Variants in LSP1 observed in about 807,000 individuals in gnomAD.
LSP1 encodes lymphocyte specific protein 1.
A neutral mutation model predicts 49.3 loss-of-function variants in LSP1; 32 were observed. That is an observed-to-expected ratio of 0.65 (90% CI 0.49 to 0.87). LSP1 has a LOEUF of 0.87. Among genes scored for constraint, LSP1 ranks in the 40% least tolerant of loss-of-function variants. LSP1 has a pLI of 0.00. For missense variants in LSP1, 428 were observed against 442.6 expected (o/e 0.97, Z 0.30); for synonymous variants, 179 against 178.8 (o/e 1.00, Z -0.01).
chr11:1,871,227 C>T (rs1159550322), intron 1 of LSP1: 30 of 986,444 alleles, frequency 3.0e-5, no homozygotes, highest in Non-Finnish European at 3.5e-5. Context: ...AAAGAGCAGG[C>T]ACGGGGCAGG....
At chr11:1,878,382 G>A (rs79608083) in intron 1 of LSP1, among the ~76,000 whole-genome samples, 4,884 of 152,358 alleles carry the variant, frequency 0.032, 117 homozygotes, top group Non-Finnish European at 0.049. Context: ...TCATCTGCCC[G>A]GATGATGGGA....
intron 1 of LSP1, among the ~76,000 whole-genome samples, chr11:1,859,212 C>T (rs1418758440): frequency 1.3e-5 from 2 of 152,152 alleles, no homozygotes; most frequent in African/African-American, 4.8e-5. Context: ...ACACACCACA[C>T]GCTCAGGGAG....
rs760171733 is a variant in LSP1, at chr11:1,884,295, G to A, written c.607G>A (p.Glu203Lys). ...CCCTCTGCAGCTCATCGACAGGACC[G>A]AGTCCCTAAACCGCTCCATAGAGAA... ...SPTTKLIDRT[E>K]SLNRSIEKSN... Residue 203 changes from glutamate to lysine, a missense_variant, in exon 6 of 11, where the codon GAG becomes AAG. Glu to Lys is a moderately conservative substitution (Grantham distance 56). Transcript: ENST00000311604. This position sits in a 1 kb window ranked among gnomAD's most constrained non-coding sequence, Gnocchi z 4.1. 25 of 1,613,988 alleles carry A rather than the reference G, an allele frequency of 1.5e-5. 1 individual carries two copies. Among genetic ancestry groups the A allele is most frequent in the South Asian group, 8.8e-5 (8 of 91,084 alleles).
chr11:1,864,881 A>T (rs543883611), intron 1 of LSP1, among the ~76,000 whole-genome samples: 2 of 152,112 alleles, frequency 1.3e-5, no homozygotes, highest in South Asian at 4.2e-4. Context: ...GCCGGCCCAC[A>T]GACTCCTGTG....
chr11:1,878,818 A>ACC (rs1462187396), intron 1 of LSP1, among the ~76,000 whole-genome samples: 16 of 151,582 alleles, frequency 1.1e-4, no homozygotes, highest in Non-Finnish European at 1.6e-4. Flanking sequence ...GAGACCCTGG[A>ACC]CCCCCTCTCA....
In LSP1 at chr11:1,884,730, C is replaced by T. The variant is rs1706874; in HGVS notation, c.717+149C>T. ...GCTTCTCCATCCAGTCAGTGCCCCT[C>T]TACCCAATCAATGCCCCTCCATCTA... On this transcript the variant is annotated intron_variant, in intron 7 of 10. Transcript: ENST00000311604. This position sits in a 1 kb window ranked among gnomAD's most constrained non-coding sequence, Gnocchi z 4.1. The T allele has an allele frequency of 3.0e-6, 2 of 656,468 alleles. No individual in the cohort carries two copies. The highest frequency in any genetic ancestry group is 5.4e-6 in the Non-Finnish European group (2 of 371,756). 40.7% of individuals were successfully genotyped at this position (656,468 alleles called of 1,614,324 possible).
intron 1 of LSP1, chr11:1,864,038 A>AGGAGCGGG: frequency 4.7e-6 from 1 of 212,646 alleles, no homozygotes; most frequent in Non-Finnish European, 6.9e-6. Context: ...GTGGAGAACC[A>AGGAGCGGG]GGAGCGGGGG....
At chr11:1,889,222 TG>T (rs755263594) in intron 10 of LSP1, 8 of 675,006 alleles carry the variant, frequency 1.2e-5, no homozygotes, top group Non-Finnish European at 2.7e-6. Context: ...GAGCGGACTG[TG>T]GGAGGGGGCC....
Position 1,880,078 on chromosome 11 carries a change from C to G in LSP1, c.54-9C>G. ...TGTGGCGTGACTGTCCCTCTGTGTC[C>G]CCCACTAGGCCCACTGCTCAGTGGA... On this transcript the variant is annotated splice_polypyrimidine_tract_variant and intron_variant, in intron 1 of 10. Transcript: ENST00000311604. 1 of 1,607,062 alleles carries G rather than the reference C, an allele frequency of 6.2e-7. No individual in the cohort carries two copies. Among genetic ancestry groups the G allele is most frequent in the South Asian group, 1.1e-5 (1 of 90,028 alleles).
At chr11:1,875,752 G>A (rs978600309) in intron 1 of LSP1, among the ~76,000 whole-genome samples, 5 of 152,288 alleles carry the variant, frequency 3.3e-5, no homozygotes, top group African/African-American at 9.6e-5. Context: ...AGCACCAGGC[G>A]TTGGGGGGCA....
chr11:1,869,202 T>G (rs1589813031), intron 1 of LSP1: 14 of 197,182 alleles, frequency 7.1e-5, no homozygotes, highest in East Asian at 1.5e-4. Context: ...GTTGGGGAGG[T>G]ATTGGTGCGA....
At chr11:1,862,567 C>A (rs1451758002) in intron 1 of LSP1, among the ~76,000 whole-genome samples, 1 of 152,144 alleles carries the variant, frequency 6.6e-6, no homozygotes, top group East Asian at 1.9e-4. Flanking sequence ...GAAGCACATG[C>A]TCACTGCCCC....
At position 1,884,294 on chromosome 11, in the gene LSP1, C is replaced by T. The variant is rs772740590; in HGVS notation, c.606C>T (p.Thr202=). ...LSPTTKLIDR[T]ESLNRSIEKS... ...ACCCTCTGCAGCTCATCGACAGGAC[C>T]GAGTCCCTAAACCGCTCCATAGAGA... The change falls in exon 6 of 11, where the codon ACC becomes ACT. Residue 202 remains threonine, a synonymous_variant. Transcript: ENST00000311604. This position sits in a 1 kb window ranked among gnomAD's most constrained non-coding sequence, Gnocchi z 4.1. The T allele has an allele frequency of 2.7e-5, 44 of 1,613,956 alleles. No individual in the cohort carries two copies. The highest frequency in any genetic ancestry group is 1.6e-5 in the Non-Finnish European group (19 of 1,179,998).
At position 1,884,613 on chromosome 11, in the gene LSP1, C is replaced by T. The variant is rs1462175681; in HGVS notation, c.717+32C>T. The T allele has an allele frequency of 6.4e-7, 1 of 1,568,096 alleles. No individual in the cohort carries two copies. Among genetic ancestry groups the T allele is most frequent in the Admixed American group, 1.7e-5 (1 of 59,720 alleles). ...CCTGGCTCCCCTCTGCTGTCAGGTC[C>T]CTCCTGCATCCTGGCACCATTCCTT... On this transcript the variant is annotated intron_variant, in intron 7 of 10. Transcript: ENST00000311604. The surrounding 1 kb of genome is among the most constrained non-coding windows in gnomAD (Gnocchi z 4.1).
At position 1,881,574 on chromosome 11, in the gene LSP1, C is replaced by G. The variant is rs1243463270; in HGVS notation, c.334C>G (p.Pro112Ala). The change falls in exon 3 of 11, where the codon CCT becomes GCT. Residue 112 changes from proline (P) to alanine (A), a missense_variant. By Grantham distance (27) the Pro-to-Ala change is conservative. Coordinates refer to ENST00000311604, the MANE Select transcript of LSP1 (RefSeq NM_002339.3). The stretch of plus-strand genomic sequence containing the variant: ...CGGAGAGCCCCCCCAGTGCAGGAGT[C>G]CTGAGGGGGAGCAAGAGGACAGGTG... ...DSGEPPQCRSPEGEQEDRPGL... is the reference protein window; with the variant it reads ...DSGEPPQCRSAEGEQEDRPGL... 2 of 1,516,066 alleles carry G rather than the reference C, an allele frequency of 1.3e-6. No homozygotes were observed. Among genetic ancestry groups the G allele is most frequent in the East Asian group, 2.5e-5 (1 of 40,094 alleles). The allele number at this position is 1,516,066 out of a possible 1,614,324, so 93.9% of individuals were successfully genotyped here.
intron 1 of LSP1, among the ~76,000 whole-genome samples, chr11:1,873,038 C>G (rs1314518159): frequency 2.0e-5 from 3 of 151,916 alleles, no homozygotes; most frequent in African/African-American, 4.8e-5. Context: ...GGAACAGACC[C>G]CTCCCTGTGC....
At chr11:1,866,797 GC>G in intron 1 of LSP1, 1 of 1,550,376 alleles carries the variant, frequency 6.5e-7, no homozygotes, top group South Asian at 1.2e-5. Flanking sequence ...AGGAAGTGCA[GC>G]CCCCGGAGGA....
At chr11:1,868,428 C>T (rs1039115361) in intron 1 of LSP1, among the ~76,000 whole-genome samples, 15 of 152,252 alleles carry the variant, frequency 9.9e-5, no homozygotes, top group African/African-American at 2.4e-4. Context: ...GCAGCCACAC[C>T]GTGCTTGGCT....
rs1381324548 is a variant in LSP1 at position 1,866,866 on chromosome 11, G to A, written c.54-13221G>A. Reference sequence around the variant, plus strand: ...TCACCCCCTTGTCACCAGGGGCTCGGCCATGAGCATCCGTCCAGCGGGCCC... The same window carrying A: ...TCACCCCCTTGTCACCAGGGGCTCGACCATGAGCATCCGTCCAGCGGGCCC... On this transcript the variant is annotated intron_variant, in intron 1 of 10. Coordinates refer to ENST00000311604, the MANE Select transcript of LSP1 (RefSeq NM_002339.3). 5 of 1,541,568 alleles carry A rather than the reference G, an allele frequency of 3.2e-6. No homozygotes were observed. The East Asian group carries it at 9.8e-5, about 30-fold the overall frequency.
Sources: gnomAD v4.1 joint callset for allele counts (sites outside exome capture counted in the v4.1 genomes callset) on GRCh38, gnomAD v4.1.1 for gene constraint, Gnocchi (gnomAD v3.1) non-coding constraint, MANE v1.5 for transcripts, NCBI Gene and HGNC (gene_info 2026-07-23, HGNC 2026-07-21) for gene names.